GPC5: variants seen among roughly 807,000 people sequenced by gnomAD.
The protein encoded by GPC5 is glypican-5.
GPC5 carries 47 observed loss-of-function variants against 53.9 expected under a neutral mutation model. The ratio of observed to expected loss-of-function variants is 0.87; its 90% CI spans 0.69 to 1.11. The LOEUF (loss-of-function observed/expected upper bound fraction) is 1.11. Among genes scored for constraint, GPC5 ranks in the 50% most tolerant of loss-of-function variants. The probability of loss-of-function intolerance (pLI) is 0.00; values close to 1 mark genes in which losing one functional copy is unlikely to be tolerated. For missense variants in GPC5, 748 were observed against 713.1 expected (o/e 1.05, Z -0.56); for synonymous variants, 286 against 263.3 (o/e 1.09, Z -0.84).
intron 6 of GPC5, among the ~76,000 whole-genome samples, chr13:92,120,272 A>G (rs1352926508): frequency 6.6e-6 from 1 of 152,124 alleles, no homozygotes; most frequent in African/African-American, 2.4e-5. Context: ...TTTAATGACT[A>G]TCTTTGTGTT....
intron 7 of GPC5, among the ~76,000 whole-genome samples, chr13:92,370,495 G>A (rs2043641291): frequency 1.3e-5 from 2 of 150,158 alleles, no homozygotes; most frequent in African/African-American, 4.9e-5. Flanking sequence ...AGACATTAGT[G>A]GTTTGCTTTA....
chr13:92,547,477 C>G (rs1882159689), intron 7 of GPC5, among the ~76,000 whole-genome samples: 1 of 152,118 alleles, frequency 6.6e-6, no homozygotes, highest in African/African-American at 2.4e-5. Context: ...GGAAGGAAGT[C>G]TCCTTCAGTG....
intron 7 of GPC5, among the ~76,000 whole-genome samples, chr13:92,565,757 T>C (rs1230806791): frequency 6.6e-6 from 1 of 152,098 alleles, no homozygotes; most frequent in Admixed American, 6.6e-5. Flanking sequence ...CAAGTGACTT[T>C]TTGTTTTTTA....
chr13:92,323,640 G>T (rs2043230821), intron 7 of GPC5, among the ~76,000 whole-genome samples: 1 of 151,644 alleles, frequency 6.6e-6, no homozygotes. Flanking sequence ...CATAAGTTTT[G>T]TGTTTAAAAT....
intron 7 of GPC5, among the ~76,000 whole-genome samples, chr13:92,509,143 G>A (rs534542802): frequency 3.3e-5 from 5 of 152,118 alleles, no homozygotes; most frequent in Non-Finnish European, 7.4e-5. Context: ...AGAATTCCAT[G>A]GTATAGGCTC....
At chr13:91,526,781 T>G (rs546672442) in intron 2 of GPC5, among the ~76,000 whole-genome samples, 1 of 152,320 alleles carries the variant, frequency 6.6e-6, no homozygotes, top group African/African-American at 2.4e-5. Context: ...CAGTTCCACA[T>G]GTCTGGGGAA....
intron 2 of GPC5, among the ~76,000 whole-genome samples, chr13:91,542,275 G>C (rs1165086075): frequency 6.6e-6 from 1 of 151,944 alleles, no homozygotes; most frequent in African/African-American, 2.4e-5. Flanking sequence ...AATAATCCAG[G>C]CTTCTCCTAT....
intron 6 of GPC5, among the ~76,000 whole-genome samples, chr13:92,062,213 T>C (rs898401606): frequency 1.3e-5 from 2 of 151,924 alleles, no homozygotes; most frequent in Admixed American, 1.3e-4. Context: ...AGCTAATAAC[T>C]ACTGATTATA....
intron 3 of GPC5, among the ~76,000 whole-genome samples, chr13:91,720,527 G>A (rs1389706575): frequency 6.6e-6 from 1 of 152,030 alleles, no homozygotes; most frequent in Non-Finnish European, 1.5e-5. Flanking sequence ...ACATCTAAAT[G>A]TTGGAATGCC....
chr13:92,856,458 T>C (rs1254911553), intron 7 of GPC5, among the ~76,000 whole-genome samples: 2 of 151,946 alleles, frequency 1.3e-5, no homozygotes, highest in African/African-American at 4.8e-5. Context: ...CTCTCTCTAC[T>C]CCTATTCAAT....
At chr13:91,764,294 A>G (rs2138671819) in intron 5 of GPC5, among the ~76,000 whole-genome samples, 1 of 152,320 alleles carries the variant, frequency 6.6e-6, no homozygotes, top group African/African-American at 2.4e-5. Flanking sequence ...TGCGGCAATA[A>G]TTGCGTGGTA....
intron 3 of GPC5, among the ~76,000 whole-genome samples, chr13:91,695,173 C>G (rs2035853435): frequency 6.6e-6 from 1 of 152,066 alleles, no homozygotes; most frequent in Admixed American, 6.6e-5. Context: ...ATACAATTAA[C>G]CGGGTTCTCA....
At chr13:92,641,850 C>T (rs1217617000) in intron 7 of GPC5, among the ~76,000 whole-genome samples, 1 of 152,098 alleles carries the variant, frequency 6.6e-6, no homozygotes, top group Non-Finnish European at 1.5e-5. Context: ...GAGTGGTAGG[C>T]ATGTGATACT....
chr13:92,050,190 AT>A (rs1486549414), intron 6 of GPC5, among the ~76,000 whole-genome samples: 11 of 152,232 alleles, frequency 7.2e-5, no homozygotes, highest in African/African-American at 2.7e-4. Flanking sequence ...CATTCCAATG[AT>A]TAAGTAGAGT....
At chr13:92,286,626 A>G (rs2042956740) in intron 7 of GPC5, among the ~76,000 whole-genome samples, 1 of 151,968 alleles carries the variant, frequency 6.6e-6, no homozygotes, top group Admixed American at 6.6e-5. Context: ...TCAGCAAACT[A>G]TCTCAAGGAC....
At chr13:92,541,374 A>G (rs1392745284) in intron 7 of GPC5, among the ~76,000 whole-genome samples, 15 of 151,888 alleles carry the variant, frequency 9.9e-5, no homozygotes, top group Non-Finnish European at 8.8e-5. Context: ...ACTTAAAAAC[A>G]TAAACTTGGA....
At chr13:91,654,541 C>T (rs2034800425) in intron 2 of GPC5, among the ~76,000 whole-genome samples, 1 of 152,044 alleles carries the variant, frequency 6.6e-6, no homozygotes, top group Admixed American at 6.6e-5. Flanking sequence ...AAAACACATA[C>T]ATATATACAT....
intron 4 of GPC5, among the ~76,000 whole-genome samples, chr13:91,729,617 A>C (rs1291257811): frequency 6.6e-6 from 1 of 152,152 alleles, no homozygotes; most frequent in Non-Finnish European, 1.5e-5. Flanking sequence ...GCATGGGATA[A>C]AGATCTGGGC....
chr13:91,614,280 G>C (rs747549615), intron 2 of GPC5, among the ~76,000 whole-genome samples: 10 of 152,144 alleles, frequency 6.6e-5, no homozygotes, highest in Non-Finnish European at 1.5e-4. Context: ...ATGTTCTTTT[G>C]TAGGTTTGGT....
Sources: allele counts gnomAD v4.1 joint callset (sites outside exome capture counted in the v4.1 genomes callset), GRCh38; gene constraint gnomAD v4.1.1; transcripts MANE v1.5; gene names NCBI Gene and HGNC (gene_info 2026-07-23, HGNC 2026-07-21).